Variants in CYB561 observed in about 807,000 individuals in gnomAD.
CYB561 encodes the protein cytochrome b561, also known as transmembrane ascorbate-dependent reductase CYB561.
Under a neutral mutation model 25.3 loss-of-function variants are expected in CYB561, and 11 were observed. That is an observed-to-expected ratio of 0.44 (90% CI 0.27 to 0.72). The LOEUF (loss-of-function observed/expected upper bound fraction) is 0.72, where lower values mean the gene tolerates loss of function less well. Among genes scored for constraint, CYB561 ranks in the 30% least tolerant of loss-of-function variants. CYB561 has a pLI of 0.18. For missense variants in CYB561, 295 were observed against 334.9 expected (o/e 0.88, Z 0.93); for synonymous variants, 165 against 158.8 (o/e 1.04, Z -0.29).
rs751479121 is a variant in CYB561 at position 63,434,498 on chromosome 17, G to A, written c.660C>T (p.Thr220=). ...CFGGAVLYIL[T]RADWKRPSQA... ...GGGAAGGCCGCTTCCAGTCGGCCCG[G>A]GTCAAGATGTAGAGCACCGCCCCAC... is the stretch of plus-strand genomic sequence containing the variant. The change falls in exon 6 of 6, where the codon ACC becomes ACT. Residue 220 remains threonine (T), a synonymous_variant. Coordinates refer to ENST00000360793, the MANE Select transcript of CYB561 (RefSeq NM_001915.4). 6.2e-7 allele frequency: 1 copy of A among 1,613,244 alleles called. No individual in the cohort carries two copies. The highest frequency in any genetic ancestry group is 1.3e-5 in the African/African-American group (1 of 74,918).
At chr17:63,441,315 T>C (rs2049373247) in intron 1 of CYB561, among the ~76,000 whole-genome samples, 1 of 152,258 alleles carries the variant, frequency 6.6e-6, no homozygotes, top group South Asian at 2.1e-4. Flanking sequence ...CCATCTCTAA[T>C]GTCACCCTTA....
intron 1 of CYB561, among the ~76,000 whole-genome samples, chr17:63,445,518 G>A (rs751595162): frequency 6.7e-6 from 1 of 148,398 alleles, no homozygotes; most frequent in Non-Finnish European, 1.5e-5. Context: ...GACCAGAAAG[G>A]AGAAGTCTGG....
At chr17:63,437,872 G>A (rs2049328172) in intron 1 of CYB561, 1 of 463,230 alleles carries the variant, frequency 2.2e-6, no homozygotes, top group Non-Finnish European at 3.6e-6. Flanking sequence ...AGCACCCCCA[G>A]ATGCGAGCAG....
At chr17:63,435,268 C>G (rs748145721) in intron 4 of CYB561, 25 bp from the exon 5 acceptor site, 26 of 1,607,306 alleles carry the variant, frequency 1.6e-5, no homozygotes, top group Non-Finnish European at 2.1e-5. Flanking sequence ...GAGACGGTTC[C>G]GGGACAGGGC....
intron 3 of CYB561, 116 bp downstream of exon 3, chr17:63,435,938 T>C: frequency 6.3e-7 from 1 of 1,592,430 alleles, no homozygotes; most frequent in Non-Finnish European, 8.6e-7. Context: ...AGGGGATGTT[T>C]GGGGTGGGGG....
In CYB561 at chr17:63,443,374, C is replaced by T. The variant is rs562125391; in HGVS notation, c.-14+2871G>A. The stretch of plus-strand genomic sequence containing the variant: ...CCGCAGGGGCTGCATTTCCATTTAT[C>T]CTAGGGCGGCTGTCCTGGCCCAGGC... On this transcript the variant is annotated intron_variant, in intron 1 of 5. Transcript: ENST00000360793. Among the ~76,000 whole-genome samples, 7 of 152,302 alleles carry T rather than the reference C, an allele frequency of 4.6e-5. No individual in the cohort carries two copies. The South Asian group carries it at 1.5e-3, about 32-fold the overall frequency.
chr17:63,435,845 G>T, intron 3 of CYB561, 54 bp from the exon 4 acceptor site: 1 of 1,595,634 alleles, frequency 6.3e-7, no homozygotes. Flanking sequence ...AAAGGAAGGT[G>T]TAAGATGACC....
At chr17:63,444,650 G>C (rs1465020886) in intron 1 of CYB561, among the ~76,000 whole-genome samples, 2 of 152,194 alleles carry the variant, frequency 1.3e-5, no homozygotes, top group Non-Finnish European at 2.9e-5. Flanking sequence ...AGAAGCTCCT[G>C]GGGCTGGAAG....
intron 1 of CYB561, among the ~76,000 whole-genome samples, chr17:63,445,129 T>C (rs1225148600): frequency 1.3e-5 from 2 of 151,958 alleles, no homozygotes; most frequent in Admixed American, 6.6e-5. Context: ...TGAGCTGATA[T>C]TGCCCTCTGC....
Position 63,435,673 on chromosome 17 carries a change from G to A in CYB561, c.405+15C>T, listed in dbSNP as rs2049290129. ...TGGTAGGTGGCCCCAGGCCCGGGGT[G>A]TTGGAAGGACTCACCTGCACAAAGT... On this transcript the variant is annotated intron_variant, in intron 4 of 5. Coordinates refer to ENST00000360793, the MANE Select transcript of CYB561 (RefSeq NM_001915.4). 1 of 1,610,470 alleles carries A rather than the reference G, an allele frequency of 6.2e-7. No individual in the cohort carries two copies. Among genetic ancestry groups the A allele is most frequent in the Admixed American group, 1.7e-5 (1 of 60,028 alleles).
chr17:63,443,816 G>C (rs2049398542), intron 1 of CYB561, among the ~76,000 whole-genome samples: 1 of 152,060 alleles, frequency 6.6e-6, no homozygotes, highest in African/African-American at 2.4e-5. Context: ...TGGAGAGATA[G>C]GGTCTCACTA....
intron 1 of CYB561, among the ~76,000 whole-genome samples, chr17:63,441,251 T>A (rs1395294500): frequency 6.6e-6 from 1 of 152,206 alleles, no homozygotes; most frequent in African/African-American, 2.4e-5. Context: ...GGTGTGTCAG[T>A]AGGGTGGGGA....
At position 63,433,607 on chromosome 17, in the gene CYB561, G is replaced by C. The variant is rs1222226060; in HGVS notation, c.*795C>G. ...GCCTGGGAGAGGAAACCAGAGCTGA[G>C]CCGCAAGGGGGGTGCTACAAGGAGG... On this transcript the variant is annotated 3_prime_UTR_variant, in exon 6 of 6. Coordinates refer to ENST00000360793, the MANE Select transcript of CYB561 (RefSeq NM_001915.4). The C allele has an allele frequency of 3.5e-4, 134 of 384,190 alleles. No individual in the cohort carries two copies. The East Asian group carries it at 4.9e-3, about 14-fold the overall frequency. The allele number at this position is 384,190 out of a possible 1,614,324, so 23.8% of individuals were successfully genotyped here. A position where few individuals can be genotyped will look rare whatever the true frequency, so the allele number is the denominator to read the frequency against.
chr17:63,439,595 C>G (rs564243827), intron 1 of CYB561, among the ~76,000 whole-genome samples: 2 of 152,016 alleles, frequency 1.3e-5, no homozygotes, highest in Admixed American at 1.3e-4. Context: ...TCCACACGCA[C>G]TGCAGTAGAA....
intron 3 of CYB561, 54 bp downstream of exon 3, chr17:63,436,000 G>C (rs1341910805): frequency 1.2e-6 from 2 of 1,612,930 alleles, no homozygotes; most frequent in Admixed American, 1.7e-5. Context: ...GCGGCTGTTT[G>C]CCATACCTGA....
Position 63,434,509 on chromosome 17 carries a change from A to G in CYB561, c.649T>C (p.Tyr217His). ...TTCCAGTCGGCCCGGGTCAAGATGT[A>G]GAGCACCGCCCCACCGAAGCAGGCC... ...LLACFGGAVL[Y>H]ILTRADWKRP... is the part of the protein sequence containing the mutation. Residue 217 changes from tyrosine to histidine, a missense_variant, in exon 6 of 6, where the codon TAC (tyrosine) becomes CAC (histidine). Tyr to His is a moderately conservative substitution (Grantham distance 83). Transcript: ENST00000360793. 6.2e-7 allele frequency: 1 copy of G among 1,613,534 alleles called. No individual in the cohort carries two copies. The highest frequency in any genetic ancestry group is 8.5e-7 in the Non-Finnish European group (1 of 1,179,894).
rs1353780591 is a variant in CYB561, at chr17:63,436,261, G to A, written c.203-109C>T. ...GAGAGGTGATGTGAGCTGACGGCTT[G>A]TAACAGGAGCCTAGCTGCAGGAACC... On this transcript the variant is annotated intron_variant, in intron 2 of 5. Transcript: ENST00000360793. This position sits in a 1 kb window ranked among gnomAD's most constrained non-coding sequence, Gnocchi z 4.8. The A allele has an allele frequency of 7.4e-7, 1 of 1,344,278 alleles. No homozygotes were observed. The highest frequency in any genetic ancestry group is 1.4e-5 in the South Asian group (1 of 71,920). The allele number at this position is 1,344,278 out of a possible 1,614,324, so 83.3% of individuals were successfully genotyped here.
intron 1 of CYB561, among the ~76,000 whole-genome samples, chr17:63,444,759 C>T (rs572464891): frequency 1.2e-4 from 18 of 152,354 alleles, no homozygotes; most frequent in South Asian, 4.1e-4. Flanking sequence ...AGTGAAGCTA[C>T]GCTTTCAGAG....
rs1308464544 is a variant in CYB561, at chr17:63,436,765, G to C, written c.202+581C>G. On this transcript the variant is annotated intron_variant, in intron 2 of 5. Transcript: ENST00000360793. The surrounding 1 kb of genome is among the most constrained non-coding windows in gnomAD (Gnocchi z 4.8). Reference sequence around the variant, plus strand: ...GTCCAGAAGAGGTGGGCAAGGCCAGGTCACGTGAGGAATGCCTCTTAGCTT... The same window carrying C: ...GTCCAGAAGAGGTGGGCAAGGCCAGCTCACGTGAGGAATGCCTCTTAGCTT... 6.2e-6 allele frequency: 1 copy of C among 161,320 alleles called. No homozygotes were observed. The highest frequency in any genetic ancestry group is 1.4e-5 in the Non-Finnish European group (1 of 72,952). 10.0% of individuals were successfully genotyped at this position (161,320 alleles called of 1,614,324 possible). A position where few individuals can be genotyped will look rare whatever the true frequency, so the allele number is the denominator to read the frequency against.
Sources: allele counts gnomAD v4.1 joint callset (sites outside exome capture counted in the v4.1 genomes callset), GRCh38; gene constraint gnomAD v4.1.1; non-coding constraint Gnocchi (gnomAD v3.1); transcripts MANE v1.5; gene names NCBI Gene and HGNC (gene_info 2026-07-23, HGNC 2026-07-21).